SGMS1: variants seen among roughly 807,000 people sequenced by gnomAD.
SGMS1 encodes the protein sphingomyelin synthase 1, also known as phosphatidylcholine:ceramide cholinephosphotransferase 1.
SGMS1 carries 13 observed loss-of-function variants against 46.2 expected under a neutral mutation model. The observed-to-expected ratio is 0.28, with a 90% CI of 0.18 to 0.45. The LOEUF (loss-of-function observed/expected upper bound fraction) is 0.45. Ranked by LOEUF, SGMS1 falls within the 20% of genes least tolerant of loss-of-function variation. The pLI, the probability that SGMS1 is intolerant of heterozygous loss-of-function variation, is 1.00. For missense variants in SGMS1, 324 were observed against 519.9 expected (o/e 0.62, Z 3.66); for synonymous variants, 203 against 187.8 (o/e 1.08, Z -0.66).
At chr10:50,490,968 T>C (rs982544380) in intron 3 of SGMS1, among the ~76,000 whole-genome samples, 7 of 151,560 alleles carry the variant, frequency 4.6e-5, no homozygotes, top group African/African-American at 1.7e-4. Flanking sequence ...TAAAAAAGAG[T>C]AGTGCTTATT....
At chr10:50,454,751 C>CT (rs1363056516) in intron 5 of SGMS1, among the ~76,000 whole-genome samples, 1 of 152,162 alleles carries the variant, frequency 6.6e-6, no homozygotes, top group Non-Finnish European at 1.5e-5. Flanking sequence ...CTTGATAAAG[C>CT]TTAATTGCTA....
chr10:50,586,047 C>T (rs909209438), intron 2 of SGMS1, among the ~76,000 whole-genome samples: 6 of 152,208 alleles, frequency 3.9e-5, no homozygotes, highest in African/African-American at 1.4e-4. Context: ...ACCCTGGTCT[C>T]TTTTGCAACT....
intron 2 of SGMS1, among the ~76,000 whole-genome samples, chr10:50,527,288 C>G (rs1837912770): frequency 6.6e-6 from 1 of 152,076 alleles, no homozygotes; most frequent in African/African-American, 2.4e-5. Context: ...TGTTAATCAC[C>G]AACACTTGTG....
intron 3 of SGMS1, among the ~76,000 whole-genome samples, chr10:50,496,023 G>C (rs1408291130): frequency 6.6e-6 from 1 of 152,098 alleles, no homozygotes; most frequent in African/African-American, 2.4e-5. Context: ...TAAAACAGCA[G>C]ACACTCCATA....
At chr10:50,613,515 A>G (rs958315793) in intron 1 of SGMS1, among the ~76,000 whole-genome samples, 4 of 152,140 alleles carry the variant, frequency 2.6e-5, no homozygotes, top group African/African-American at 9.7e-5. Flanking sequence ...CCACACCTGA[A>G]CAGGCCTCTC....
intron 2 of SGMS1, among the ~76,000 whole-genome samples, chr10:50,572,026 A>G (rs899227290): frequency 3.2e-4 from 48 of 152,208 alleles, no homozygotes; most frequent in African/African-American, 1.1e-3. Flanking sequence ...ACCACCATGT[A>G]TCTTGTAACA....
intron 4 of SGMS1, among the ~76,000 whole-genome samples, chr10:50,463,195 A>G (rs1405685181): frequency 4.6e-5 from 7 of 152,210 alleles, no homozygotes; most frequent in Admixed American, 3.9e-4. Context: ...ATGGGACTAC[A>G]TCAAACTTAA....
At chr10:50,328,947 A>G (rs1478334093) in intron 7 of SGMS1, among the ~76,000 whole-genome samples, 1 of 152,246 alleles carries the variant, frequency 6.6e-6, no homozygotes, top group African/African-American at 2.4e-5. Flanking sequence ...TCTTTAAAAG[A>G]AAATGCCCTC....
intron 6 of SGMS1, among the ~76,000 whole-genome samples, chr10:50,380,025 C>T (rs1224938535): frequency 3.3e-5 from 5 of 152,286 alleles, no homozygotes; most frequent in African/African-American, 7.2e-5. Context: ...CAAAATAAAA[C>T]TTCCTTTTTC....
At chr10:50,366,491 C>T (rs1354608375) in intron 6 of SGMS1, among the ~76,000 whole-genome samples, 7 of 152,178 alleles carry the variant, frequency 4.6e-5, no homozygotes, top group Non-Finnish European at 7.3e-5. Flanking sequence ...ACGATAAAGA[C>T]ACATGCACAC....
chr10:50,316,707 A>G (rs1339441146), intron 8 of SGMS1, among the ~76,000 whole-genome samples: 3 of 152,204 alleles, frequency 2.0e-5, no homozygotes, highest in Non-Finnish European at 2.9e-5. Flanking sequence ...ACAAAATGCT[A>G]AAAAGGCTGC....
At chr10:50,477,256 G>A (rs1310449664) in intron 3 of SGMS1, among the ~76,000 whole-genome samples, 1 of 152,220 alleles carries the variant, frequency 6.6e-6, no homozygotes, top group African/African-American at 2.4e-5. Flanking sequence ...AGATTATTTT[G>A]CAGCTTTAAG....
intron 4 of SGMS1, among the ~76,000 whole-genome samples, chr10:50,462,672 A>G (rs1311300307): frequency 6.6e-6 from 1 of 152,232 alleles, no homozygotes; most frequent in Non-Finnish European, 1.5e-5. Context: ...ATAGATGGCC[A>G]ATGGAATAGG....
intron 6 of SGMS1, among the ~76,000 whole-genome samples, chr10:50,386,446 G>A (rs1350481862): frequency 6.6e-6 from 1 of 152,168 alleles, no homozygotes; most frequent in Non-Finnish European, 1.5e-5. Flanking sequence ...ACAGGATACT[G>A]TCATTACTAG....
At chr10:50,380,254 G>A (rs1450125121) in intron 6 of SGMS1, among the ~76,000 whole-genome samples, 1 of 151,812 alleles carries the variant, frequency 6.6e-6, no homozygotes, top group Non-Finnish European at 1.5e-5. Context: ...GGTGGTATGT[G>A]CCTGTAGCCC....
chr10:50,615,192 G>A (rs1838785427), intron 1 of SGMS1, among the ~76,000 whole-genome samples: 1 of 152,172 alleles, frequency 6.6e-6, no homozygotes, highest in South Asian at 2.1e-4. Flanking sequence ...CCCACTGAAT[G>A]CCTGCCGACA....
At chr10:50,624,647 G>C (rs940359729), upstream of SGMS1, 5 of 985,362 alleles carry the variant, frequency 5.1e-6, no homozygotes, top group Non-Finnish European at 6.0e-6. Context: ...AACCCGGAGA[G>C]CGGCTAGGCC....
chr10:50,613,777 T>C (rs1309741461), intron 1 of SGMS1, among the ~76,000 whole-genome samples: 1 of 152,230 alleles, frequency 6.6e-6, no homozygotes, highest in Non-Finnish European at 1.5e-5. Flanking sequence ...AGGTTTTATA[T>C]ATGTAACATT....
At chr10:50,511,171 AAAATAGC>A (rs1308721509) in intron 3 of SGMS1, among the ~76,000 whole-genome samples, 1 of 152,080 alleles carries the variant, frequency 6.6e-6, no homozygotes. Context: ...CAGAGTGGAT[AAAATAGC>A]AAACAAGAGA....
Sources: gnomAD v4.1 joint callset for allele counts (sites outside exome capture counted in the v4.1 genomes callset) on GRCh38, gnomAD v4.1.1 for gene constraint, MANE v1.5 for transcripts, NCBI Gene and HGNC (gene_info 2026-07-23, HGNC 2026-07-21) for gene names.